CNTN3: variants seen among roughly 807,000 people sequenced by gnomAD.
The protein encoded by CNTN3 is contactin 3, also known as contactin-3.
Under a neutral mutation model 119.1 loss-of-function variants are expected in CNTN3, and 60 were observed. The ratio of observed to expected loss-of-function variants is 0.50; its 90% CI spans 0.41 to 0.62. The LOEUF is 0.62. Among genes scored for constraint, CNTN3 ranks in the 20% least tolerant of loss-of-function variants. CNTN3 has a pLI of 0.00. For missense variants in CNTN3, 1,101 were observed against 1,242.4 expected (o/e 0.89, Z 1.71); for synonymous variants, 450 against 438.7 (o/e 1.03, Z -0.32).
At chr3:74,351,644 C>T (rs1703818631) in intron 11 of CNTN3, among the ~76,000 whole-genome samples, 1 of 152,182 alleles carries the variant, frequency 6.6e-6, no homozygotes, top group African/African-American at 2.4e-5. Context: ...GCCAGTTAGG[C>T]ATTAATAATT....
chr3:74,447,518 G>C (rs985663572), intron 4 of CNTN3, among the ~76,000 whole-genome samples: 11 of 152,182 alleles, frequency 7.2e-5, no homozygotes, highest in African/African-American at 2.7e-4. Flanking sequence ...TGAAAAGATG[G>C]CTCTTGTCAA....
intron 5 of CNTN3, among the ~76,000 whole-genome samples, chr3:74,386,604 A>G (rs981130539): frequency 1.3e-4 from 20 of 152,174 alleles, no homozygotes; most frequent in South Asian, 8.3e-4. Flanking sequence ...AAAAGCAACA[A>G]TTAAAACACA....
chr3:74,401,313 C>T (rs1208354168), intron 5 of CNTN3, among the ~76,000 whole-genome samples: 3 of 151,992 alleles, frequency 2.0e-5, no homozygotes, highest in Admixed American at 6.6e-5. Context: ...TCAAACTGTC[C>T]CTACTGTAAC....
intron 16 of CNTN3, 126 bp downstream of exon 16, chr3:74,301,271 GA>G: frequency 1.0e-6 from 1 of 954,668 alleles, no homozygotes. Context: ...TCTGCCATTA[GA>G]AAGGTTAGAT....
intron 1 of CNTN3, among the ~76,000 whole-genome samples, chr3:74,597,001 A>C (rs1255705497): frequency 1.3e-5 from 2 of 152,056 alleles, no homozygotes; most frequent in East Asian, 3.9e-4. Context: ...GATCCCTCCC[A>C]TGTTCCTAAT....
At chr3:74,552,267 G>A (rs1427505565) in intron 1 of CNTN3, among the ~76,000 whole-genome samples, 1 of 152,168 alleles carries the variant, frequency 6.6e-6, no homozygotes, top group African/African-American at 2.4e-5. Context: ...CGTCCATGTG[G>A]ATATTTTCGT....
At chr3:74,567,414 G>A (rs1424349129) in intron 1 of CNTN3, among the ~76,000 whole-genome samples, 3 of 144,362 alleles carry the variant, frequency 2.1e-5, no homozygotes, top group African/African-American at 7.7e-5. Flanking sequence ...CCCACCTTGG[G>A]CTCCCAAAGT....
chr3:74,509,297 G>A (rs1438451263), intron 2 of CNTN3, among the ~76,000 whole-genome samples: 1 of 148,224 alleles, frequency 6.7e-6, no homozygotes, highest in Middle Eastern at 3.5e-3. Context: ...ATAAAAAAGT[G>A]GTGCTCCTTT....
chr3:74,600,216 T>C (rs1704886652), intron 1 of CNTN3, among the ~76,000 whole-genome samples: 1 of 151,974 alleles, frequency 6.6e-6, no homozygotes, highest in Non-Finnish European at 1.5e-5. Context: ...TTAAGGTGAA[T>C]AGGGGAGTTG....
chr3:74,364,354 T>C (rs1704141392), intron 10 of CNTN3, 113 bp downstream of exon 10: 2 of 949,878 alleles, frequency 2.1e-6, no homozygotes, highest in South Asian at 1.7e-5. Flanking sequence ...TGTAATACTG[T>C]AGATATTATT....
chr3:74,279,614 T>G (rs896462096), intron 20 of CNTN3, among the ~76,000 whole-genome samples: 3 of 145,066 alleles, frequency 2.1e-5, no homozygotes, highest in Non-Finnish European at 4.5e-5. Context: ...GTAAGAATGA[T>G]ACAATGGACT....
chr3:74,574,001 T>C (rs1161718424), intron 1 of CNTN3, among the ~76,000 whole-genome samples: 3 of 152,146 alleles, frequency 2.0e-5, no homozygotes, highest in African/African-American at 7.2e-5. Flanking sequence ...ACACAAATAT[T>C]GAGAGCAGCA....
intron 13 of CNTN3, among the ~76,000 whole-genome samples, chr3:74,311,156 T>C (rs1036045565): frequency 1.3e-5 from 2 of 152,156 alleles, no homozygotes; most frequent in Non-Finnish European, 2.9e-5. Context: ...GAACTCCCAA[T>C]GGCTCAGAGA....
chr3:74,417,181 T>G (rs949571645), intron 5 of CNTN3, among the ~76,000 whole-genome samples: 1 of 152,104 alleles, frequency 6.6e-6, no homozygotes, highest in Non-Finnish European at 1.5e-5. Context: ...ATTATTGTCA[T>G]TCTAGGGTTA....
chr3:74,304,847 AC>A (rs1254574898), intron 13 of CNTN3, among the ~76,000 whole-genome samples: 1 of 152,230 alleles, frequency 6.6e-6, no homozygotes. Flanking sequence ...TTCAGCCCCA[AC>A]ATGGAATTGA....
At chr3:74,489,318 A>T (rs1240384188) in intron 3 of CNTN3, among the ~76,000 whole-genome samples, 1 of 152,134 alleles carries the variant, frequency 6.6e-6, no homozygotes, top group African/African-American at 2.4e-5. Context: ...TGCCTACAGT[A>T]GACACAAGCA....
intron 13 of CNTN3, among the ~76,000 whole-genome samples, chr3:74,321,334 G>T (rs1445943852): frequency 6.6e-6 from 1 of 151,834 alleles, no homozygotes; most frequent in Non-Finnish European, 1.5e-5. Flanking sequence ...AATAAAAGGT[G>T]GTTTTAAATT....
intron 1 of CNTN3, among the ~76,000 whole-genome samples, chr3:74,533,342 T>G (rs908682521): frequency 2.0e-5 from 3 of 151,908 alleles, no homozygotes; most frequent in Non-Finnish European, 4.4e-5. Flanking sequence ...CTCAAAGCAC[T>G]CAGACACATT....
chr3:74,378,906 C>T (rs540919037), intron 5 of CNTN3, among the ~76,000 whole-genome samples: 13 of 152,308 alleles, frequency 8.5e-5, no homozygotes, highest in African/African-American at 3.1e-4. Flanking sequence ...AAAGCTCATG[C>T]TAGGCCCCTA....
Sources: gnomAD v4.1 joint callset for allele counts (sites outside exome capture counted in the v4.1 genomes callset) on GRCh38, gnomAD v4.1.1 for gene constraint, MANE v1.5 for transcripts, NCBI Gene and HGNC (gene_info 2026-07-23, HGNC 2026-07-21) for gene names.